The following PRKD1 variants were observed in gnomAD, a reference collection of about 807,000 sequenced individuals.
PRKD1 encodes the protein protein kinase D1, also known as serine/threonine-protein kinase D1.
Under a neutral mutation model 95.9 loss-of-function variants are expected in PRKD1, and 63 were observed. The observed-to-expected ratio is 0.66, with a 90% CI of 0.54 to 0.81. The LOEUF is 0.81. PRKD1 is among the 30% of genes least tolerant of loss of function. The probability of loss-of-function intolerance (pLI) is 0.00; values close to 1 mark genes in which losing one functional copy is unlikely to be tolerated. For missense variants in PRKD1, 1,048 were observed against 1,165.3 expected (o/e 0.90, Z 1.47); for synonymous variants, 425 against 423.1 (o/e 1.00, Z -0.05).
At chr14:29,843,622 A>G (rs1891958270) in intron 1 of PRKD1, among the ~76,000 whole-genome samples, 1 of 152,224 alleles carries the variant, frequency 6.6e-6, no homozygotes, top group Admixed American at 6.5e-5. Context: ...ACATTTATTC[A>G]ACAAACATTT....
intron 1 of PRKD1, among the ~76,000 whole-genome samples, chr14:29,828,769 G>A (rs1285555928): frequency 6.6e-5 from 10 of 152,118 alleles, no homozygotes; most frequent in Non-Finnish European, 1.5e-4. Context: ...TAAACACCTT[G>A]AAACCACCTG....
At chr14:29,808,456 A>G (rs1201418434) in intron 1 of PRKD1, among the ~76,000 whole-genome samples, 2 of 125,596 alleles carry the variant, frequency 1.6e-5, no homozygotes, top group East Asian at 2.4e-4. Flanking sequence ...TTGGAGTACA[A>G]TAGTGTTGTC....
At chr14:29,854,396 G>A (rs1166537181) in intron 1 of PRKD1, among the ~76,000 whole-genome samples, 1 of 152,172 alleles carries the variant, frequency 6.6e-6, no homozygotes, top group Non-Finnish European at 1.5e-5. Context: ...AAAGATGCTG[G>A]TGGCATTCTG....
intron 1 of PRKD1, among the ~76,000 whole-genome samples, chr14:29,790,242 C>A (rs1383890176): frequency 6.6e-6 from 1 of 151,878 alleles, no homozygotes; most frequent in Non-Finnish European, 1.5e-5. Flanking sequence ...GATCTCTTGA[C>A]CTTGTGACCT....
At chr14:29,894,588 T>A (rs928784372) in intron 1 of PRKD1, among the ~76,000 whole-genome samples, 2 of 152,250 alleles carry the variant, frequency 1.3e-5, no homozygotes, top group Admixed American at 6.5e-5. Flanking sequence ...AAAGAATGGA[T>A]GAGGAGACTT....
intron 17 of PRKD1, 99 bp from the exon 18 acceptor site, chr14:29,577,555 C>T: frequency 8.8e-7 from 1 of 1,140,274 alleles, no homozygotes; most frequent in Non-Finnish European, 1.3e-6. Context: ...TTACCCTTCT[C>T]CTTCCACTCT....
At chr14:29,648,867 G>A (rs1881311352) in intron 4 of PRKD1, among the ~76,000 whole-genome samples, 1 of 152,038 alleles carries the variant, frequency 6.6e-6, no homozygotes. Flanking sequence ...TGTTAGCCAG[G>A]ATGGTCTCGA....
intron 1 of PRKD1, among the ~76,000 whole-genome samples, chr14:29,824,269 A>G (rs1891027886): frequency 6.6e-6 from 1 of 152,222 alleles, no homozygotes; most frequent in Non-Finnish European, 1.5e-5. Flanking sequence ...AGTGGTAGCC[A>G]ACTAAGCTAA....
intron 2 of PRKD1, among the ~76,000 whole-genome samples, chr14:29,706,679 T>C (rs1885107653): frequency 1.3e-5 from 2 of 152,204 alleles, no homozygotes; most frequent in South Asian, 2.1e-4. Flanking sequence ...TAGTATCTCA[T>C]ATAATCTTTA....
intron 2 of PRKD1, among the ~76,000 whole-genome samples, chr14:29,673,201 A>T (rs1312924056): frequency 6.6e-6 from 1 of 152,236 alleles, no homozygotes; most frequent in Non-Finnish European, 1.5e-5. Flanking sequence ...TATTTTTAAA[A>T]GCTTTATAAA....
chr14:29,625,748 A>G (rs992194311), intron 12 of PRKD1, among the ~76,000 whole-genome samples: 5 of 152,178 alleles, frequency 3.3e-5, no homozygotes, highest in African/African-American at 1.2e-4. Context: ...ATTAAAAAGT[A>G]CAATATCATA....
chr14:29,861,594 T>C (rs1325638047), intron 1 of PRKD1, among the ~76,000 whole-genome samples: 2 of 152,128 alleles, frequency 1.3e-5, no homozygotes, highest in African/African-American at 4.8e-5. Context: ...TGTATAATTA[T>C]TATTGACTAT....
chr14:29,756,841 A>C (rs1887722111), intron 1 of PRKD1, among the ~76,000 whole-genome samples: 1 of 152,226 alleles, frequency 6.6e-6, no homozygotes, highest in Non-Finnish European at 1.5e-5. Flanking sequence ...CCTCATATGA[A>C]ATTGCTCTTT....
intron 1 of PRKD1, among the ~76,000 whole-genome samples, chr14:29,753,455 T>C (rs1328305711): frequency 6.6e-6 from 1 of 152,152 alleles, no homozygotes; most frequent in African/African-American, 2.4e-5. Context: ...TCTTACATAC[T>C]CTGCCTATTT....
At chr14:29,843,207 A>G (rs1891934665) in intron 1 of PRKD1, among the ~76,000 whole-genome samples, 1 of 152,178 alleles carries the variant, frequency 6.6e-6, no homozygotes, top group Non-Finnish European at 1.5e-5. Context: ...AGAAGCACAC[A>G]AAGGAAAGAC....
intron 2 of PRKD1, among the ~76,000 whole-genome samples, chr14:29,672,035 C>A (rs1357706373): frequency 6.6e-6 from 1 of 152,054 alleles, no homozygotes; most frequent in Non-Finnish European, 1.5e-5. Flanking sequence ...AAATCAATGT[C>A]AAAGGTGGAG....
chr14:29,869,404 TACCCCAGTCTGGACAAGAGCGAA>T (rs1182097401), intron 1 of PRKD1, among the ~76,000 whole-genome samples: 8 of 151,226 alleles, frequency 5.3e-5, no homozygotes, highest in Admixed American at 5.3e-4. Context: ...CGCACCATTG[TACCCCAGTCTGGACAAGAGCGAA>T]ACTCCATCTC....
intron 1 of PRKD1, among the ~76,000 whole-genome samples, chr14:29,903,338 T>A (rs1894385027): frequency 2.6e-5 from 4 of 152,178 alleles, no homozygotes; most frequent in Admixed American, 2.6e-4. Context: ...GACCCTTTAA[T>A]ATAACTTGGT....
intron 1 of PRKD1, among the ~76,000 whole-genome samples, chr14:29,809,146 T>A (rs1890374672): frequency 6.6e-6 from 1 of 152,250 alleles, no homozygotes; most frequent in African/African-American, 2.4e-5. Context: ...ATCTTTTTTA[T>A]CTGAATGGTA....
Sources: gnomAD v4.1 joint callset for allele counts (sites outside exome capture counted in the v4.1 genomes callset) on GRCh38, gnomAD v4.1.1 for gene constraint, MANE v1.5 for transcripts, NCBI Gene and HGNC (gene_info 2026-07-23, HGNC 2026-07-21) for gene names.